The following GPR78 variants were observed in gnomAD, a reference collection of about 807,000 sequenced individuals.
GPR78 encodes the protein G protein-coupled receptor 78.
A neutral mutation model predicts 17.9 loss-of-function variants in GPR78; 29 were observed. The observed-to-expected ratio is 1.62, with a 90% CI of 1.20 to 2.21. GPR78 has a LOEUF of 2.21. Among genes scored for constraint, GPR78 ranks in the 30% most tolerant of loss-of-function variants. The pLI, the probability that GPR78 is intolerant of heterozygous loss-of-function variation, is 0.00. For missense variants in GPR78, 649 were observed against 530.5 expected, an observed-to-expected ratio of 1.22 and a Z score of -2.19; for synonymous variants, 349 against 256.9, an observed-to-expected ratio of 1.36 and a Z score of -3.43.
intron 2 of GPR78, 124 bp from the exon 3 acceptor site, chr4:8,586,930 C>G: frequency 1.2e-6 from 1 of 821,078 alleles, no homozygotes; most frequent in Non-Finnish European, 1.9e-6. Flanking sequence ...GCAGAGCCCC[C>G]TGGCTAGTGA....
In GPR78 at chr4:8,582,543, C is replaced by T. The variant is rs368181816; in HGVS notation, c.681C>T (p.Arg227=). The T allele has an allele frequency of 2.3e-4, 370 of 1,608,084 alleles. 3 individuals carry two copies. In the South Asian group the frequency reaches 2.7e-3, roughly 12 times the overall value. ...TCTGTCCCCACAGTGTGCGGCAGCGCTGCCTCATCCAGCAGAAGCGGCGCC... is the reference window on the plus strand; with the variant it reads ...TCTGTCCCCACAGTGTGCGGCAGCGTTGCCTCATCCAGCAGAAGCGGCGCC... The part of the protein sequence containing the change: ...LADLHPSVRQ[R]CLIQQKRRRH... The change falls in exon 2 of 3, where the codon CGC becomes CGT. Residue 227 remains arginine (R), a synonymous_variant. Transcript: ENST00000382487.
chr4:8,583,847 C>T (rs1394778416), intron 2 of GPR78, among the ~76,000 whole-genome samples: 1 of 152,176 alleles, frequency 6.6e-6, no homozygotes, highest in African/African-American at 2.4e-5. Flanking sequence ...CCACTGATCC[C>T]ATCTGGCTTA....
At chr4:8,582,415 A>G in intron 1 of GPR78, 116 bp from the exon 2 acceptor site, 1 of 673,436 alleles carries the variant, frequency 1.5e-6, no homozygotes, top group Non-Finnish European at 2.7e-6. Context: ...CTCAGGTTCC[A>G]GGCTAAACAT....
At chr4:8,584,814 G>A (rs928991859) in intron 2 of GPR78, among the ~76,000 whole-genome samples, 1 of 152,210 alleles carries the variant, frequency 6.6e-6, no homozygotes, top group Non-Finnish European at 1.5e-5. Flanking sequence ...GGAGTGTGTT[G>A]TCCCTGCTGC....
rs1333821050 is a variant in GPR78 at position 8,589,082 on chromosome 4, G to A, written c.*1719G>A. ...ATGGCGGTCTCACTTTGTTGCCCAG[G>A]CTGGTCTTGAATTCCTGAGCTTAAG... On this transcript the variant is annotated 3_prime_UTR_variant, in exon 3 of 3. Coordinates refer to ENST00000382487, the MANE Select transcript of GPR78 (RefSeq NM_080819.5). 6.6e-6 allele frequency among the ~76,000 whole-genome samples: 1 copy of A among 151,692 alleles called. No homozygotes were observed. Among genetic ancestry groups the A allele is most frequent in the South Asian group, 2.1e-4 (1 of 4,778 alleles).
rs540024423 is a variant in GPR78, at chr4:8,589,712, C to T, written c.*2349C>T. On this transcript the variant is annotated 3_prime_UTR_variant, in exon 3 of 3. Transcript: ENST00000382487. ...AGCCACTCAAGGAAACGCGTGCACC[C>T]TGCCCTGCTGGAAGGCACCATGGTT... Among the ~76,000 whole-genome samples the T allele has an allele frequency of 3.1e-3, 467 of 152,296 alleles. 2 individuals carry two copies. The highest frequency in any genetic ancestry group is 3.9e-3 in the Non-Finnish European group (267 of 68,032).
intron 2 of GPR78, chr4:8,582,942 T>C (rs1051578281): frequency 1.2e-5 from 3 of 255,280 alleles, no homozygotes; most frequent in East Asian, 8.1e-5. Flanking sequence ...GCTTTCAAAA[T>C]CAGGCAACCT....
chr4:8,586,081 C>A lies in GPR78; in HGVS notation c.783-973C>A, dbSNP rs376941479. Among the ~76,000 whole-genome samples the A allele has an allele frequency of 2.6e-5, 4 of 152,320 alleles. No individual in the cohort carries two copies. In the East Asian group the frequency reaches 7.7e-4, roughly 29 times the overall value. ...AGGTGGAACAGCTGCCACTGGTCAG[C>A]AAGTGTGCTTGTGACAGCTGTCAGA... On this transcript the variant is annotated intron_variant, in intron 2 of 2. Coordinates refer to ENST00000382487, the MANE Select transcript of GPR78 (RefSeq NM_080819.5).
At chr4:8,585,660 C>T (rs1341517474) in intron 2 of GPR78, among the ~76,000 whole-genome samples, 1 of 152,178 alleles carries the variant, frequency 6.6e-6, no homozygotes, top group Non-Finnish European at 1.5e-5. Context: ...CCATGACTGC[C>T]TTGGATCTGT....
rs1383251688 is a variant in GPR78, at chr4:8,587,717, C to T, written c.*354C>T. 2.9e-6 allele frequency: 1 copy of T among 340,850 alleles called. No homozygotes were observed. The highest frequency in any genetic ancestry group is 6.1e-5 in the East Asian group (1 of 16,270). 21.1% of individuals were successfully genotyped at this position (340,850 alleles called of 1,614,324 possible). ...GTACTCGTGGGCGTGCTATAAGTGA[C>T]TGCTGTTCATGTGGGTGAGGTGGTC... is the stretch of plus-strand genomic sequence containing the variant. On this transcript the variant is annotated 3_prime_UTR_variant, in exon 3 of 3. Coordinates refer to ENST00000382487, the MANE Select transcript of GPR78 (RefSeq NM_080819.5).
chr4:8,587,944 C>T lies in GPR78; in HGVS notation c.*581C>T, dbSNP rs1218159249. Among the ~76,000 whole-genome samples the T allele has an allele frequency of 6.6e-6, 1 of 152,202 alleles. No homozygotes were observed. Among genetic ancestry groups the T allele is most frequent in the Non-Finnish European group, 1.5e-5 (1 of 68,038 alleles). On this transcript the variant is annotated 3_prime_UTR_variant, in exon 3 of 3. Coordinates refer to ENST00000382487, the MANE Select transcript of GPR78 (RefSeq NM_080819.5). ...AGGCACGGGCAGTCCCTGGGACATG[C>T]CCATCTCTGGAAGCCTAGGGGTCCC...
rs1169687537 is a variant in GPR78 at position 8,589,014 on chromosome 4, G to A, written c.*1651G>A. On this transcript the variant is annotated 3_prime_UTR_variant, in exon 3 of 3. Transcript: ENST00000382487. ...CCTGAGTAGTTGAGGACACAGGCAC[G>A]GGACACCATGCCTGGCTAATTTTTG... 3.3e-5 allele frequency among the ~76,000 whole-genome samples: 5 copies of A among 152,122 alleles called. No individual in the cohort carries two copies. The highest frequency in any genetic ancestry group is 1.3e-4 in the Admixed American group (2 of 15,276).
At chr4:8,584,505 C>T (rs1162647805) in intron 2 of GPR78, among the ~76,000 whole-genome samples, 1 of 32,018 alleles carries the variant, frequency 3.1e-5, no homozygotes, top group Non-Finnish European at 5.6e-5. Context: ...TTAATGAGCA[C>T]CTACTCTGAG....
Position 8,586,991 on chromosome 4 carries a change from G to A in GPR78, c.783-63G>A, listed in dbSNP as rs909561923. 2.8e-6 allele frequency: 4 copies of A among 1,409,096 alleles called. No individual in the cohort carries two copies. In the African/African-American group the frequency reaches 5.6e-5, roughly 20 times the overall value. 87.3% of individuals were successfully genotyped at this position (1,409,096 alleles called of 1,614,324 possible). On this transcript the variant is annotated intron_variant, in intron 2 of 2. Transcript: ENST00000382487. ...AGTATGGTTCTAGCACCTTCCCCCG[G>A]AGCGTGAGTGCGTGGCAGGTGCTGT...
At position 8,587,136 on chromosome 4, in the gene GPR78, G is replaced by T; in HGVS notation, c.865G>T (p.Ala289Ser). 6.2e-7 allele frequency: 1 copy of T among 1,613,372 alleles called. No individual in the cohort carries two copies. Among genetic ancestry groups the T allele is most frequent in the Non-Finnish European group, 8.5e-7 (1 of 1,180,002 alleles). ...GTGCCTGACCTACAGCAAGGCGGTG[G>T]CCGACCCGTTCACGTACTCTCTGCT... is the stretch of plus-strand genomic sequence containing the variant. ...SKCLTYSKAV[A>S]DPFTYSLLRR... is the part of the protein sequence containing the mutation. Residue 289 changes from alanine to serine, a missense_variant, in exon 3 of 3, where the codon GCC becomes TCC. By Grantham distance (99) the Ala-to-Ser change is moderately conservative. Transcript: ENST00000382487.
chr4:8,581,775 G>T, intron 1 of GPR78, 125 bp downstream of exon 1: 1 of 669,774 alleles, frequency 1.5e-6, no homozygotes, highest in Non-Finnish European at 2.4e-6. Flanking sequence ...CCACAGCACT[G>T]CCCCTGCACG....
chr4:8,582,881 C>T (rs1307411160), intron 2 of GPR78: 2 of 492,386 alleles, frequency 4.1e-6, no homozygotes, highest in African/African-American at 1.9e-5. Context: ...TGTCCAGGCA[C>T]AGGCAGATAT....
At chr4:8,583,948 T>G (rs187467055) in intron 2 of GPR78, among the ~76,000 whole-genome samples, 2 of 152,204 alleles carry the variant, frequency 1.3e-5, no homozygotes, top group South Asian at 4.1e-4. Context: ...GGAAACTTCA[T>G]GGGCACAAGT....
rs1183029479 is a variant in GPR78 at position 8,581,178 on chromosome 4, G to T, written c.196G>T (p.Gly66Cys). Residue 66 changes from glycine (G) to cysteine (C), a missense_variant, in exon 1 of 3, where the codon GGT (glycine) becomes TGT (cysteine). Physicochemically the swap from Gly to Cys is radical, Grantham distance 159 (BLOSUM62 -3). Transcript: ENST00000382487. ...AALDMPFTLLGVMRGRTPSAP... is the reference protein window; with the variant it reads ...AALDMPFTLLCVMRGRTPSAP... ...GCTGGACATGCCCTTCACGCTGCTC[G>T]GTGTGATGCGCGGGCGGACACCGTC... The T allele has an allele frequency of 1.2e-6, 2 of 1,602,998 alleles. No individual in the cohort carries two copies. The highest frequency in any genetic ancestry group is 1.3e-5 in the African/African-American group (1 of 75,000).
Sources: allele counts gnomAD v4.1 joint callset (sites outside exome capture counted in the v4.1 genomes callset), GRCh38; gene constraint gnomAD v4.1.1; transcripts MANE v1.5; gene names NCBI Gene and HGNC (gene_info 2026-07-23, HGNC 2026-07-21).